Variants in IQCH observed in about 807,000 individuals in gnomAD.
The protein encoded by IQCH is IQ domain-containing protein H.
In IQCH, 98 loss-of-function variants were observed where a neutral mutation model predicts 117.0. The observed-to-expected ratio is 0.84, with a 90% confidence interval of 0.71 to 0.99. IQCH has a LOEUF of 0.99. IQCH is among the 50% of genes least tolerant of loss of function. IQCH has a pLI of 0.00. For missense variants in IQCH, 1,102 were observed against 1,243.8 expected, an observed-to-expected ratio of 0.89 and a Z score of 1.72; for synonymous variants, 412 against 448.2, an observed-to-expected ratio of 0.92 and a Z score of 1.02.
At chr15:67,341,926 T>C (rs918736207) in intron 5 of IQCH, among the ~76,000 whole-genome samples, 7 of 152,186 alleles carry the variant, frequency 4.6e-5, no homozygotes, top group African/African-American at 1.7e-4. Flanking sequence ...TTTCTACAAA[T>C]GAACCTTAAT....
chr15:67,409,307 AC>A (rs2081383487), intron 14 of IQCH, among the ~76,000 whole-genome samples: 1 of 151,790 alleles, frequency 6.6e-6, no homozygotes, highest in Non-Finnish European at 1.5e-5. Context: ...ATCTATTGAA[AC>A]CCCCAGCATG....
chr15:67,261,353 A>G lies in IQCH; in HGVS notation c.133A>G (p.Ser45Gly), dbSNP rs1442250835. ...AAAAGGAGAGACTCTAGACATTCAGAGTCTTGAAACAGCAATCAAAAGGAC... is the reference window on the plus strand; with the variant it reads ...AAAAGGAGAGACTCTAGACATTCAGGGTCTTGAAACAGCAATCAAAAGGAC... Reference protein sequence around the residue: ...EEKGETLDIQSLETAIKRTEV... With the variant: ...EEKGETLDIQGLETAIKRTEV... Residue 45 changes from serine (S) to glycine (G), a missense_variant, in exon 2 of 21, where the codon AGT (serine) becomes GGT (glycine). Ser to Gly is a moderately conservative substitution (Grantham distance 56, BLOSUM62 0). This residue lies in a region of IQCH where 452 missense variants were observed against 449.6 expected (regional missense o/e 1.01). Coordinates refer to ENST00000335894, the MANE Select transcript of IQCH (RefSeq NM_001031715.3). 2 of 1,592,476 alleles carry G rather than the reference A, an allele frequency of 1.3e-6. No individual in the cohort carries two copies. Among genetic ancestry groups the G allele is most frequent in the Middle Eastern group, 1.7e-4 (1 of 6,020 alleles).
rs189089838 is a variant in IQCH, at chr15:67,476,216, T to C, written c.2799+398T>C. 7.2e-5 allele frequency among the ~76,000 whole-genome samples: 11 copies of C among 152,366 alleles called. No homozygotes were observed. Among genetic ancestry groups the C allele is most frequent in the Admixed American group, 3.3e-4 (5 of 15,308 alleles). Reference sequence around the variant, plus strand: ...CCATAACAATATAGCACAAGCTAAATGGCTTGAGCCACAGAAGCGTATTTT... The same window carrying C: ...CCATAACAATATAGCACAAGCTAAACGGCTTGAGCCACAGAAGCGTATTTT... On this transcript the variant is annotated intron_variant, in intron 18 of 20. Coordinates refer to ENST00000335894, the MANE Select transcript of IQCH (RefSeq NM_001031715.3). The surrounding 1 kb of genome is among the most constrained non-coding windows in gnomAD (Gnocchi z 4.1).
chr15:67,337,138 A>C (rs1178161654), intron 5 of IQCH, 43 bp downstream of exon 5: 1 of 1,608,810 alleles, frequency 6.2e-7, no homozygotes, highest in East Asian at 2.2e-5. Flanking sequence ...GGAACGGAAA[A>C]GAAAGAGCAT....
chr15:67,483,634 A>T (rs1176665690), intron 18 of IQCH, among the ~76,000 whole-genome samples: 2 of 152,170 alleles, frequency 1.3e-5, no homozygotes, highest in Non-Finnish European at 2.9e-5. Flanking sequence ...TTTTTTCTTG[A>T]CCTCATGACC....
At chr15:67,437,608 A>C (rs937152898) in intron 16 of IQCH, among the ~76,000 whole-genome samples, 1 of 152,234 alleles carries the variant, frequency 6.6e-6, no homozygotes, top group Admixed American at 6.5e-5. Context: ...AATCAGGGAG[A>C]GACCAGAGAA....
intron 14 of IQCH, among the ~76,000 whole-genome samples, chr15:67,414,983 C>T (rs1031952443): frequency 4.6e-5 from 7 of 152,078 alleles, no homozygotes; most frequent in East Asian, 3.9e-4. Flanking sequence ...ATTCTAACGC[C>T]GTGTTTCATT....
At chr15:67,337,726 C>T (rs917247850) in intron 5 of IQCH, among the ~76,000 whole-genome samples, 15 of 152,150 alleles carry the variant, frequency 9.9e-5, no homozygotes, top group Non-Finnish European at 1.8e-4. Context: ...CTCTACTGTT[C>T]CCTGCTATTT....
intron 3 of IQCH, among the ~76,000 whole-genome samples, chr15:67,278,181 A>C (rs905777646): frequency 2.0e-5 from 3 of 152,228 alleles, no homozygotes; most frequent in Non-Finnish European, 2.9e-5. Flanking sequence ...TTGAGAGCTT[A>C]CCTTCATTAC....
intron 3 of IQCH, among the ~76,000 whole-genome samples, chr15:67,267,836 T>C (rs983825289): frequency 6.6e-6 from 1 of 152,210 alleles, no homozygotes; most frequent in South Asian, 2.1e-4. Flanking sequence ...CTATCCCTGG[T>C]CACACCTTTA....
chr15:67,372,719 G>A (rs759073684), intron 9 of IQCH, 57 bp downstream of exon 9: 70 of 1,453,176 alleles, frequency 4.8e-5, no homozygotes, highest in Non-Finnish European at 6.3e-5. Context: ...TTTCGTGCTT[G>A]AGCGGTTGTA....
rs775863264 is a variant in IQCH at position 67,426,199 on chromosome 15, G to C, written c.2505+4622G>C. Among the ~76,000 whole-genome samples, 13 of 152,182 alleles carry C rather than the reference G, an allele frequency of 8.5e-5. No individual in the cohort carries two copies. The highest frequency in any genetic ancestry group is 5.2e-4 in the Admixed American group (8 of 15,280). ...CCCTTCTGAGACCTCTCAGTGGACA[G>C]AGCTAGCAAGTACATGTATTACGTA... On this transcript the variant is annotated intron_variant, in intron 16 of 20. Coordinates refer to ENST00000335894, the MANE Select transcript of IQCH (RefSeq NM_001031715.3). This position sits in a 1 kb window ranked among gnomAD's most constrained non-coding sequence, Gnocchi z 5.1.
rs1170753717 is a variant in IQCH, at chr15:67,261,500, G to C, written c.174+106G>C. The C allele has an allele frequency of 3.3e-6, 3 of 906,094 alleles. No homozygotes were observed. The African/African-American group carries it at 5.3e-5, about 16-fold the overall frequency. 56.1% of individuals were successfully genotyped at this position (906,094 alleles called of 1,614,324 possible). A position where few individuals can be genotyped will look rare whatever the true frequency, so the allele number is the denominator to read the frequency against. On this transcript the variant is annotated intron_variant, in intron 2 of 20. Coordinates refer to ENST00000335894, the MANE Select transcript of IQCH (RefSeq NM_001031715.3). Reference sequence around the variant, plus strand: ...TCCTGCATAATTCTGTAACAAAGCTGAATTTAGGGCAGTCGTCAGCATTCT... The same window carrying C: ...TCCTGCATAATTCTGTAACAAAGCTCAATTTAGGGCAGTCGTCAGCATTCT...
rs1316247142 is a variant in IQCH at position 67,501,606 on chromosome 15, T to A, written c.*860T>A. On this transcript the variant is annotated 3_prime_UTR_variant, in exon 21 of 21. Transcript: ENST00000335894. The surrounding 1 kb of genome is among the most constrained non-coding windows in gnomAD (Gnocchi z 5.2). ...AAAATATTTCCACATCAGTGAGCTT[T>A]ACTGAAGGGTGAAATAAAAGCAAAT... 1.3e-5 allele frequency: 2 copies of A among 152,248 alleles called. No individual in the cohort carries two copies. Among genetic ancestry groups the A allele is most frequent in the African/African-American group, 4.8e-5 (2 of 41,474 alleles). The allele number at this position is 152,248 out of a possible 1,614,324, so 9.4% of individuals were successfully genotyped here.
At chr15:67,373,721 C>A in intron 10 of IQCH, 1 of 504,838 alleles carries the variant, frequency 2.0e-6, no homozygotes, top group Non-Finnish European at 3.5e-6. Flanking sequence ...TATTTTTCCC[C>A]GAAATAACAG....
chr15:67,313,251 T>G (rs1967687623), intron 4 of IQCH, among the ~76,000 whole-genome samples: 1 of 152,172 alleles, frequency 6.6e-6, no homozygotes, highest in Non-Finnish European at 1.5e-5. Context: ...GAAAGAGCCG[T>G]AGATGGAGAA....
chr15:67,339,373 TAAC>T (rs1248757982), intron 5 of IQCH, among the ~76,000 whole-genome samples: 1 of 152,194 alleles, frequency 6.6e-6, no homozygotes, highest in Non-Finnish European at 1.5e-5. Context: ...ATTCATCAGT[TAAC>T]AACCAGTTCA....
chr15:67,374,578 CT>C (rs1372336497), intron 10 of IQCH, among the ~76,000 whole-genome samples: 2 of 152,036 alleles, frequency 1.3e-5, no homozygotes. Context: ...CTCTGGAGTA[CT>C]TAGATCTAAG....
At chr15:67,262,727 A>T (rs1032221433) in intron 2 of IQCH, among the ~76,000 whole-genome samples, 1 of 152,250 alleles carries the variant, frequency 6.6e-6, no homozygotes, top group Middle Eastern at 3.4e-3. Context: ...TTTACAAAAA[A>T]TAAAAAAATT....
Sources: gnomAD v4.1 joint callset for allele counts (sites outside exome capture counted in the v4.1 genomes callset) on GRCh38, gnomAD v4.1.1 for gene constraint, gnomAD v4.1.1 regional missense constraint, Gnocchi (gnomAD v3.1) non-coding constraint, MANE v1.5 for transcripts, NCBI Gene and HGNC (gene_info 2026-07-23, HGNC 2026-07-21) for gene names.